Variants in AATK observed in about 807,000 individuals in gnomAD.
AATK encodes the protein serine/threonine-protein kinase LMTK1.
AATK carries 91 observed loss-of-function variants against 114.3 expected under a neutral mutation model. The observed-to-expected ratio is 0.80, with a 90% CI of 0.67 to 0.95. The LOEUF is 0.95. AATK is among the 40% of genes least tolerant of loss of function. The pLI, the probability that AATK is intolerant of heterozygous loss-of-function variation, is 0.00. For missense variants in AATK, 2,176 were observed against 1,965.2 expected (o/e 1.11, Z -2.03); for synonymous variants, 1,075 against 916.5 (o/e 1.17, Z -3.12).
chr17:81,121,595 TGG>T lies in AATK; in HGVS notation c.2339_2340del (p.Pro780GlnfsTer7). On this transcript the variant is annotated frameshift_variant, in exon 11 of 14. Coordinates refer to ENST00000326724, the MANE Select transcript of AATK (RefSeq NM_001080395.3). LOFTEE classifies it high-confidence loss of function. ...GTGCCCTCAGCCTCCGTGGCAAGCT[TGG>T]GCTCTGCCTGCGGGTGGTCACCCCC... ...SSGGDHPQAE[P>X]KLATEAEGTT... 1 of 1,503,924 alleles carries T rather than the reference TGG, an allele frequency of 6.6e-7. No individual in the cohort carries two copies. Among genetic ancestry groups the T allele is most frequent in the Non-Finnish European group, 8.9e-7 (1 of 1,127,456 alleles). The allele number at this position is 1,503,924 out of a possible 1,614,324, so 93.2% of individuals were successfully genotyped here. A position where few individuals can be genotyped will look rare whatever the true frequency, so the allele number is the denominator to read the frequency against.
chr17:81,162,782 G>A (rs1406207836), intron 1 of AATK, among the ~76,000 whole-genome samples: 1 of 152,202 alleles, frequency 6.6e-6, no homozygotes, highest in Admixed American at 6.5e-5. Context: ...GACACAGGGA[G>A]AGACCTTGGG....
chr17:81,161,654 T>C (rs2146423076), intron 1 of AATK, among the ~76,000 whole-genome samples: 2 of 152,220 alleles, frequency 1.3e-5, no homozygotes, highest in Middle Eastern at 3.4e-3. Context: ...TCCTGGAGCG[T>C]GGGTGCTGCC....
intron 1 of AATK, among the ~76,000 whole-genome samples, chr17:81,161,827 G>A (rs2146423456): frequency 6.6e-6 from 1 of 152,266 alleles, no homozygotes; most frequent in South Asian, 2.1e-4. Flanking sequence ...GGGAGTCGAT[G>A]CATCCCAAAC....
At chr17:81,159,500 C>T (rs1470636358) in intron 1 of AATK, among the ~76,000 whole-genome samples, 1 of 152,162 alleles carries the variant, frequency 6.6e-6, no homozygotes, top group Admixed American at 6.5e-5. Context: ...GGAAGCCACA[C>T]GCCTTTTTCG....
intron 1 of AATK, among the ~76,000 whole-genome samples, chr17:81,148,541 T>A (rs2061252719): frequency 6.6e-6 from 1 of 152,230 alleles, no homozygotes; most frequent in African/African-American, 2.4e-5. Flanking sequence ...CCGGCTGGAC[T>A]TGAAGCCACA....
intron 1 of AATK, among the ~76,000 whole-genome samples, chr17:81,151,117 G>T (rs112401061): frequency 5.3e-5 from 8 of 152,292 alleles, no homozygotes; most frequent in African/African-American, 1.9e-4. Context: ...AACTTTGTGG[G>T]CTGGGGAACA....
intron 1 of AATK, among the ~76,000 whole-genome samples, chr17:81,152,394 T>G (rs12452488): frequency 0.16 from 24,148 of 152,084 alleles, 2,827 homozygotes; most frequent in African/African-American, 0.33. Flanking sequence ...GTCACCCACC[T>G]GGACAACATA....
intron 1 of AATK, among the ~76,000 whole-genome samples, chr17:81,146,046 G>T (rs1014841628): frequency 6.6e-6 from 1 of 151,432 alleles, no homozygotes; most frequent in African/African-American, 2.4e-5. Flanking sequence ...AAAATTGGCC[G>T]GGCGTGGTGG....
Position 81,122,127 on chromosome 17 carries a change from C to A in AATK, c.1809G>T (p.Pro603=). The A allele has an allele frequency of 6.5e-7, 1 of 1,539,352 alleles. No individual in the cohort carries two copies. The highest frequency in any genetic ancestry group is 8.7e-7 in the Non-Finnish European group (1 of 1,145,438). Residue 603 remains proline, a synonymous_variant, in exon 11 of 14, where the codon CCG becomes CCT. Transcript: ENST00000326724. ...GCGAGGGAGAGCGTGAGGGGCAGAG[C>A]GGGTCCCGCGCCAAGCTTCTGCGAG... is the stretch of plus-strand genomic sequence containing the variant. The part of the protein sequence containing the change: ...HYPRRSLARD[P]LCPSRSPSPS...
In AATK at chr17:81,119,984, G is replaced by A. The variant is rs533187094; in HGVS notation, c.3835C>T (p.Arg1279Trp). The change falls in exon 12 of 14, where the codon CGG becomes TGG. Residue 1279 changes from arginine (R) to tryptophan (W), a missense_variant. Arg to Trp is a moderately radical substitution (Grantham distance 101). This residue lies in a region of AATK where 1,701 missense variants were observed against 1,394.7 expected (regional missense o/e 1.22). Coordinates refer to ENST00000326724, the MANE Select transcript of AATK (RefSeq NM_001080395.3). ...GGGGAGCCATCAGCCTGCTGCGGCC[G>A]GTTGGGGGCGCTGGGAGAGCCGGGG... ...GSPGSPSAPNRPQQADGSPNG... is the reference protein window; with the variant it reads ...GSPGSPSAPNWPQQADGSPNG... The A allele has an allele frequency of 9.7e-5, 140 of 1,447,714 alleles. No homozygotes were observed. Among genetic ancestry groups the A allele is most frequent in the Non-Finnish European group, 1.2e-4 (136 of 1,100,270 alleles). The allele number at this position is 1,447,714 out of a possible 1,614,324, so 89.7% of individuals were successfully genotyped here.
chr17:81,137,835 A>G (rs1015383882), intron 1 of AATK, among the ~76,000 whole-genome samples: 2 of 152,034 alleles, frequency 1.3e-5, no homozygotes, highest in African/African-American at 4.8e-5. Context: ...ATGCACACAC[A>G]CATATGCATG....
chr17:81,141,679 C>T (rs2061140387), intron 1 of AATK, among the ~76,000 whole-genome samples: 1 of 152,160 alleles, frequency 6.6e-6, no homozygotes, highest in Non-Finnish European at 1.5e-5. Context: ...CTGGGCAGGT[C>T]CCCAGAGGGC....
intron 4 of AATK, 75 bp from the exon 5 acceptor site, chr17:81,127,985 A>T: frequency 6.6e-7 from 1 of 1,515,790 alleles, no homozygotes. Context: ...CTCTTCTCCC[A>T]CCCGCCCCAC....
In AATK at chr17:81,126,533, A is replaced by G; in HGVS notation, c.649T>C (p.Cys217Arg). Residue 217 changes from cysteine (C) to arginine (R), a missense_variant, in exon 7 of 14, where the codon TGC becomes CGC. Physicochemically the swap from Cys to Arg is radical, Grantham distance 180 (BLOSUM62 -3). Around this residue, in one of 4 missense-constraint regions of AATK, gnomAD observed 273 missense variants for 344.1 expected, o/e 0.79. Coordinates refer to ENST00000326724, the MANE Select transcript of AATK (RefSeq NM_001080395.3). The surrounding 1 kb of genome is among the most constrained non-coding windows in gnomAD (Gnocchi z 5.1). ...LGDLKGYLRS[C>R]RVAESMAPDP... ...GGAGCCATGGACTCCGCCACCCGGC[A>G]GCTCCGCAGGTAGCCCTTGAGGTCC... The G allele has an allele frequency of 1.3e-6, 2 of 1,547,866 alleles. No homozygotes were observed. Among genetic ancestry groups the G allele is most frequent in the African/African-American group, 2.7e-5 (2 of 73,168 alleles).
At position 81,118,415 on chromosome 17, in the gene AATK, C is replaced by T; in HGVS notation, c.4112G>A (p.Ser1371Asn). The part of the protein sequence containing the change: ...RGPEAGAGGE[S>N]KEA The stretch of plus-strand genomic sequence containing the variant: ...GCTGCCCAGGTCTCAAGCCTCTTTA[C>T]TCTCACCCCCGGCACCAGCTTCAGG... The change falls in exon 14 of 14, where the codon AGT (serine) becomes AAT (asparagine). Residue 1371 changes from serine to asparagine, a missense_variant. Transcript: ENST00000326724. The T allele has an allele frequency of 1.2e-6, 2 of 1,608,690 alleles. No homozygotes were observed. Among genetic ancestry groups the T allele is most frequent in the African/African-American group, 1.3e-5 (1 of 74,868 alleles).
intron 1 of AATK, among the ~76,000 whole-genome samples, chr17:81,165,271 C>G (rs957255596): frequency 2.0e-5 from 3 of 152,228 alleles, no homozygotes; most frequent in African/African-American, 7.2e-5. Context: ...GGAGGCCAGG[C>G]AGCCATGGGT....
At chr17:81,148,463 G>A (rs1452613413) in intron 1 of AATK, among the ~76,000 whole-genome samples, 3 of 152,234 alleles carry the variant, frequency 2.0e-5, no homozygotes, top group Non-Finnish European at 4.4e-5. Flanking sequence ...GACCCTTCCT[G>A]CTCAAGACCA....
Position 81,126,210 on chromosome 17 carries a change from T to C in AATK, c.755+217A>G, listed in dbSNP as rs12051727. ...ACAGGCCAGCTTGACAGTACGCATC[T>C]CTTCGTCTAAACCTGCAAAGTGGGT... On this transcript the variant is annotated intron_variant, in intron 7 of 13. Transcript: ENST00000326724. The surrounding 1 kb of genome is among the most constrained non-coding windows in gnomAD (Gnocchi z 5.1). 0.47 allele frequency among the ~76,000 whole-genome samples: 71,676 copies of C among 151,844 alleles called. 17,569 individuals are homozygous for C. The highest frequency in any genetic ancestry group is 0.78 in the East Asian group (4,019 of 5,142).
Position 81,118,044 on chromosome 17 carries a change from GT to G in AATK, c.*357del, listed in dbSNP as rs2060589391. The G allele has an allele frequency of 8.0e-5, 19 of 238,688 alleles. No homozygotes were observed. In the South Asian group the frequency reaches 1.7e-3, roughly 21 times the overall value. The allele number at this position is 238,688 out of a possible 1,614,324, so 14.8% of individuals were successfully genotyped here. ...AGGAGCTGCCGGATGGGGCATGCGGGTCCTCCGAGGCCAGGCAGGCAGGGCA... is the reference window on the plus strand; with the variant it reads ...AGGAGCTGCCGGATGGGGCATGCGGGCCTCCGAGGCCAGGCAGGCAGGGCA... On this transcript the variant is annotated 3_prime_UTR_variant, in exon 14 of 14. Coordinates refer to ENST00000326724, the MANE Select transcript of AATK (RefSeq NM_001080395.3).
Sources: allele counts gnomAD v4.1 joint callset (sites outside exome capture counted in the v4.1 genomes callset), GRCh38; gene constraint gnomAD v4.1.1; regional missense constraint gnomAD v4.1.1; non-coding constraint Gnocchi (gnomAD v3.1); transcripts MANE v1.5; gene names NCBI Gene and HGNC (gene_info 2026-07-23, HGNC 2026-07-21).